CCSER1: variants seen among roughly 807,000 people sequenced by gnomAD.
The protein encoded by CCSER1 is coiled-coil serine rich protein 1, also known as serine-rich coiled-coil domain-containing protein 1.
In CCSER1, 41 loss-of-function variants were observed where a neutral mutation model predicts 82.0. The ratio of observed to expected loss-of-function variants is 0.50; its 90% confidence interval spans 0.39 to 0.65. CCSER1 has a LOEUF of 0.65. Ranked by LOEUF, CCSER1 falls within the 30% of genes least tolerant of loss-of-function variation. The pLI, the probability that CCSER1 is intolerant of heterozygous loss-of-function variation, is 0.00. For missense variants in CCSER1, 1,119 were observed against 1,064.2 expected (o/e 1.05, Z -0.72); for synonymous variants, 414 against 383.9 (o/e 1.08, Z -0.92).
chr4:91,203,616 C>T (rs1202885376), intron 10 of CCSER1, among the ~76,000 whole-genome samples: 1 of 150,960 alleles, frequency 6.6e-6, no homozygotes, highest in Non-Finnish European at 1.5e-5. Flanking sequence ...CACAGGAATG[C>T]TCTGCTAAAG....
intron 7 of CCSER1, among the ~76,000 whole-genome samples, chr4:90,799,890 C>A (rs1046139969): frequency 2.0e-5 from 3 of 152,198 alleles, no homozygotes; most frequent in African/African-American, 7.2e-5. Context: ...GATTCAGAGG[C>A]CCATGGTGAG....
chr4:90,668,298 T>C (rs1056472660), intron 6 of CCSER1, among the ~76,000 whole-genome samples: 2 of 152,038 alleles, frequency 1.3e-5, no homozygotes, highest in Admixed American at 1.3e-4. Context: ...ATTGGAAAAC[T>C]GTCTGTATCT....
chr4:90,899,050 A>G (rs946987677), intron 8 of CCSER1, among the ~76,000 whole-genome samples: 6 of 152,032 alleles, frequency 3.9e-5, no homozygotes, highest in African/African-American at 1.4e-4. Flanking sequence ...AGTCATTTTA[A>G]CAACATTGGT....
chr4:91,408,486 T>G (rs2149368579), intron 10 of CCSER1, among the ~76,000 whole-genome samples: 1 of 152,340 alleles, frequency 6.6e-6, no homozygotes, highest in South Asian at 2.1e-4. Context: ...ATCCAACCTT[T>G]TAAAATATTT....
intron 9 of CCSER1, among the ~76,000 whole-genome samples, chr4:90,983,232 TG>T (rs1439388199): frequency 6.6e-6 from 1 of 151,824 alleles, no homozygotes; most frequent in African/African-American, 2.4e-5. Context: ...GTCAGCTTTT[TG>T]TAGAGAATAG....
intron 5 of CCSER1, among the ~76,000 whole-genome samples, chr4:90,530,246 AGTT>A (rs1027667951): frequency 6.6e-6 from 1 of 152,148 alleles, no homozygotes; most frequent in African/African-American, 2.4e-5. Flanking sequence ...CAGTAATCAT[AGTT>A]TTTTCTGTTA....
At chr4:91,288,467 G>C (rs1427854355) in intron 10 of CCSER1, among the ~76,000 whole-genome samples, 1 of 151,934 alleles carries the variant, frequency 6.6e-6, no homozygotes, top group East Asian at 1.9e-4. Flanking sequence ...ATGAATCAAT[G>C]AGTCAAGTGT....
intron 7 of CCSER1, among the ~76,000 whole-genome samples, chr4:90,756,570 GATTATT>G (rs1749569777): frequency 6.6e-6 from 1 of 152,092 alleles, no homozygotes; most frequent in South Asian, 2.1e-4. Context: ...TAATATGTCT[GATTATT>G]ACTGACAGCC....
At chr4:91,076,217 C>G (rs1026726447) in intron 9 of CCSER1, among the ~76,000 whole-genome samples, 3 of 147,474 alleles carry the variant, frequency 2.0e-5, no homozygotes, top group African/African-American at 7.6e-5. Flanking sequence ...CAACCTGAAT[C>G]TTGGTCTGTC....
At chr4:90,903,385 C>T (rs1311227538) in intron 8 of CCSER1, among the ~76,000 whole-genome samples, 1 of 152,056 alleles carries the variant, frequency 6.6e-6, no homozygotes, top group Non-Finnish European at 1.5e-5. Context: ...TCACCTCCTG[C>T]CATGATTCTG....
At chr4:90,832,560 A>G (rs1179147905) in intron 8 of CCSER1, among the ~76,000 whole-genome samples, 1 of 152,174 alleles carries the variant, frequency 6.6e-6, no homozygotes, top group Non-Finnish European at 1.5e-5. Flanking sequence ...TTTGAGATCC[A>G]TAAAAAAATA....
At chr4:91,270,684 A>G (rs948269070) in intron 10 of CCSER1, among the ~76,000 whole-genome samples, 1 of 152,204 alleles carries the variant, frequency 6.6e-6, no homozygotes, top group Non-Finnish European at 1.5e-5. Context: ...TGCAGAGGCC[A>G]AAAGAATTCA....
intron 1 of CCSER1, among the ~76,000 whole-genome samples, chr4:90,283,328 T>C (rs1729209332): frequency 1.3e-5 from 2 of 151,972 alleles, no homozygotes; most frequent in African/African-American, 4.8e-5. Context: ...TTTTATTTTT[T>C]ATTTGTATTT....
intron 10 of CCSER1, among the ~76,000 whole-genome samples, chr4:91,212,714 A>T (rs916665115): frequency 8.5e-5 from 13 of 152,234 alleles, no homozygotes; most frequent in African/African-American, 3.1e-4. Flanking sequence ...TTTTTATGAA[A>T]TTTTTATTCC....
At chr4:91,102,668 A>G (rs1725198490) in intron 10 of CCSER1, among the ~76,000 whole-genome samples, 1 of 151,918 alleles carries the variant, frequency 6.6e-6, no homozygotes. Context: ...ATTTTGCTTC[A>G]TCACATATTT....
intron 10 of CCSER1, among the ~76,000 whole-genome samples, chr4:91,441,230 TG>T (rs1755112620): frequency 1.3e-5 from 2 of 151,664 alleles, no homozygotes; most frequent in South Asian, 4.2e-4. Context: ...AATAAAATAC[TG>T]GCAAACCGAA....
chr4:90,445,158 T>A (rs1482714468), intron 4 of CCSER1, among the ~76,000 whole-genome samples: 1 of 152,012 alleles, frequency 6.6e-6, no homozygotes, highest in Non-Finnish European at 1.5e-5. Context: ...GTCTTCAACT[T>A]CAGGATATAC....
At chr4:90,988,460 C>T (rs1263291516) in intron 9 of CCSER1, among the ~76,000 whole-genome samples, 2 of 148,662 alleles carry the variant, frequency 1.3e-5, no homozygotes, top group Non-Finnish European at 3.0e-5. Context: ...ACCAATTTAA[C>T]TTGCTCAATA....
At chr4:91,211,265 T>C (rs1258355932) in intron 10 of CCSER1, among the ~76,000 whole-genome samples, 4 of 151,994 alleles carry the variant, frequency 2.6e-5, no homozygotes, top group South Asian at 4.1e-4. Context: ...GAGCAAGTGG[T>C]GAGAATCTGT....
Sources: gnomAD v4.1 joint callset for allele counts (sites outside exome capture counted in the v4.1 genomes callset) on GRCh38, gnomAD v4.1.1 for gene constraint, MANE v1.5 for transcripts, NCBI Gene and HGNC (gene_info 2026-07-23, HGNC 2026-07-21) for gene names.